Variants in UGT2B10 observed in about 807,000 individuals in gnomAD.
UGT2B10 encodes the protein UDP glucuronosyltransferase family 2 member B10, also known as UDP-glucuronosyltransferase 2B10.
UGT2B10 carries 51 observed loss-of-function variants against 43.7 expected under a neutral mutation model. The ratio of observed to expected loss-of-function variants is 1.17; its 90% CI spans 0.93 to 1.47. UGT2B10 has a LOEUF of 1.47. Among genes scored for constraint, UGT2B10 ranks in the 40% most tolerant of loss-of-function variants. UGT2B10 has a pLI of 0.00. For synonymous variants in UGT2B10, 225 were observed against 209.0 expected (o/e 1.08, Z -0.66); for missense variants, 696 against 617.7 (o/e 1.13, Z -1.34).
rs1490121164 is a variant in UGT2B10, at chr4:68,818,062, A to G, written c.752A>G (p.Lys251Arg). 6.2e-7 allele frequency: 1 copy of G among 1,611,266 alleles called. No individual in the cohort carries two copies. The highest frequency in any genetic ancestry group is 1.7e-5 in the Admixed American group (1 of 59,790). Residue 251 changes from lysine (K) to arginine (R), a missense_variant, in exon 2 of 6, where the codon AAA (lysine) becomes AGA (arginine). Physicochemically the swap from Lys to Arg is conservative, Grantham distance 26. Coordinates refer to ENST00000265403, the MANE Select transcript of UGT2B10 (RefSeq NM_001075.6). ...RPTTLSETMR[K>R]ADIWLMRNSW... ...ACTACATTATCTGAGACAATGAGGA[A>G]AGCTGACATATGGCTTATGCGAAAC...
rs1369718587 is a variant in UGT2B10, at chr4:68,816,472, T to C, written c.453T>C (p.Ala151=). The change falls in exon 1 of 6, where the codon GCT becomes GCC. Residue 151 remains alanine, a synonymous_variant. Coordinates refer to ENST00000265403, the MANE Select transcript of UGT2B10 (RefSeq NM_001075.6). ...GATTTGACATCGTTTTTGCAGATGC[T>C]TATTTACCCTGTGGTGAGCTGCTGG... ...ESRFDIVFAD[A]YLPCGELLAE... 2 of 1,613,256 alleles carry C rather than the reference T, an allele frequency of 1.2e-6. No homozygotes were observed. The highest frequency in any genetic ancestry group is 2.2e-5 in the East Asian group (1 of 44,798).
chr4:68,817,915 A>T (rs1052084818), intron 1 of UGT2B10, 114 bp from the exon 2 acceptor site: 2 of 1,270,816 alleles, frequency 1.6e-6, no homozygotes, highest in Non-Finnish European at 2.1e-6. Flanking sequence ...CATATTTTTC[A>T]AAGCACACAA....
rs370578468 is a variant in UGT2B10, at chr4:68,827,348, T to A, written c.1107T>A (p.Ala369=). Residue 369 remains alanine (A), a synonymous_variant, in exon 5 of 6, where the codon GCT becomes GCA. Transcript: ENST00000265403. The part of the protein sequence containing the change: ...NDLLGHPKTR[A]FITHGGANGI... ...TCCTAGGTCATCCAAAAACCAGAGC[T>A]TTTATAACTCATGGTGGAGCCAATG... 943 of 1,613,260 alleles carry A rather than the reference T, an allele frequency of 5.8e-4. 5 individuals are homozygous for A. In the African/African-American group the frequency reaches 0.011, roughly 19 times the overall value.
intron 2 of UGT2B10, among the ~76,000 whole-genome samples, chr4:68,821,907 G>A (rs898731437): frequency 5.3e-5 from 8 of 151,938 alleles, no homozygotes; most frequent in Non-Finnish European, 1.0e-4. Flanking sequence ...AACCCTAGTG[G>A]TGCCACTTTT....
At chr4:68,827,253 G>A (rs1737828641) in intron 4 of UGT2B10, 76 bp from the exon 5 acceptor site, 4 of 1,604,878 alleles carry the variant, frequency 2.5e-6, no homozygotes, top group East Asian at 4.5e-5. Flanking sequence ...AGAAAACACT[G>A]TCACTTTCAG....
Position 68,831,514 on chromosome 4 carries a change from C to G in UGT2B10, c.*635C>G, listed in dbSNP as rs1738100330. Among the ~76,000 whole-genome samples, 2 of 152,000 alleles carry G rather than the reference C, an allele frequency of 1.3e-5. No homozygotes were observed. The highest frequency in any genetic ancestry group is 4.8e-5 in the African/African-American group (2 of 41,410). ...AAAAATAATTAGATATTCTTGAAATCAGAAATGTGCTCCCTAATTATATGA... is the reference window on the plus strand; with the variant it reads ...AAAAATAATTAGATATTCTTGAAATGAGAAATGTGCTCCCTAATTATATGA... On this transcript the variant is annotated 3_prime_UTR_variant, in exon 6 of 6. Transcript: ENST00000265403.
At chr4:68,826,313 A>G (rs1737770782) in intron 3 of UGT2B10, 97 bp from the exon 4 acceptor site, 5 of 1,314,962 alleles carry the variant, frequency 3.8e-6, no homozygotes, top group East Asian at 4.8e-5. Flanking sequence ...TTATTTACTA[A>G]CATCCCTTGA....
At position 68,820,295 on chromosome 4, in the gene UGT2B10, C is replaced by T. The variant is rs1300635656; in HGVS notation, c.868-1976C>T. Among the ~76,000 whole-genome samples, 3 of 151,910 alleles carry T rather than the reference C, an allele frequency of 2.0e-5. No homozygotes were observed. In the East Asian group the frequency reaches 5.8e-4, roughly 29 times the overall value. ...TTATTATGTAAAATATTTGCTAAGC[C>T]AGGTTGCTTTCTTTTCAATTATATA... On this transcript the variant is annotated intron_variant, in intron 2 of 5. Transcript: ENST00000265403.
intron 5 of UGT2B10, among the ~76,000 whole-genome samples, chr4:68,828,613 A>T (rs1162131877): frequency 6.6e-6 from 1 of 152,010 alleles, no homozygotes; most frequent in Non-Finnish European, 1.5e-5. Flanking sequence ...GACTTTTTTA[A>T]AAAAACAAGC....
In UGT2B10 at chr4:68,818,073, T is replaced by C. The variant is rs779299825; in HGVS notation, c.763T>C (p.Trp255Arg). Residue 255 changes from tryptophan to arginine, a missense_variant, in exon 2 of 6, where the codon TGG becomes CGG. By Grantham distance (101) the Trp-to-Arg change is moderately radical. Coordinates refer to ENST00000265403, the MANE Select transcript of UGT2B10 (RefSeq NM_001075.6). ...LSETMRKADI[W>R]LMRNSWNFKF... ...TGAGACAATGAGGAAAGCTGACATA[T>C]GGCTTATGCGAAACTCCTGGAATTT... The C allele has an allele frequency of 6.2e-7, 1 of 1,611,730 alleles. No individual in the cohort carries two copies.
intron 3 of UGT2B10, 138 bp from the exon 4 acceptor site, chr4:68,826,272 T>G: frequency 1.1e-6 from 1 of 898,224 alleles, no homozygotes; most frequent in Non-Finnish European, 1.6e-6. Context: ...TAAAATGTGG[T>G]TATTCTTTTT....
At chr4:68,828,274 G>A (rs1221095143) in intron 5 of UGT2B10, among the ~76,000 whole-genome samples, 7 of 151,356 alleles carry the variant, frequency 4.6e-5, no homozygotes, top group African/African-American at 1.5e-4. Flanking sequence ...TTTTTTTATG[G>A]TTTTTAGTTT....
At position 68,826,463 on chromosome 4, in the gene UGT2B10, A is replaced by G. The variant is rs770305398; in HGVS notation, c.1053A>G (p.Arg351=). ...CAGATGCCTTAGGTCTCAATACTCG[A>G]CTGTACAAGTGGATACCCCAGAATG... ...NKPDALGLNT[R]LYKWIPQNDL... is the part of the protein sequence containing the mutation. Residue 351 remains arginine (R), a synonymous_variant, in exon 4 of 6, where the codon CGA becomes CGG. Coordinates refer to ENST00000265403, the MANE Select transcript of UGT2B10 (RefSeq NM_001075.6). 5.0e-6 allele frequency: 8 copies of G among 1,612,418 alleles called. No individual in the cohort carries two copies. Among genetic ancestry groups the G allele is most frequent in the Non-Finnish European group, 6.8e-6 (8 of 1,179,218 alleles).
rs147512031 is a variant in UGT2B10, at chr4:68,830,186, T to C, written c.1308-414T>C. Among the ~76,000 whole-genome samples, 974 of 152,224 alleles carry C rather than the reference T, an allele frequency of 6.4e-3. 16 individuals carry two copies. The highest frequency in any genetic ancestry group is 0.022 in the African/African-American group (930 of 41,574). On this transcript the variant is annotated intron_variant, in intron 5 of 5. Coordinates refer to ENST00000265403, the MANE Select transcript of UGT2B10 (RefSeq NM_001075.6). ...AGTGTAATGTGGAATGTGTTCATAA[T>C]ACAAAGGATAAATGCTTAAGGAATG...
intron 2 of UGT2B10, 112 bp downstream of exon 2, chr4:68,818,289 G>A: frequency 6.5e-7 from 1 of 1,538,972 alleles, no homozygotes; most frequent in Non-Finnish European, 8.7e-7. Context: ...GGAAGTAGGT[G>A]GGGTAAAGCA....
chr4:68,821,234 T>G (rs573489026), intron 2 of UGT2B10, among the ~76,000 whole-genome samples: 8 of 152,308 alleles, frequency 5.3e-5, no homozygotes, highest in African/African-American at 1.9e-4. Flanking sequence ...TGAAAGTATT[T>G]AAATTTATAT....
At chr4:68,827,105 C>T (rs567769635) in intron 4 of UGT2B10, among the ~76,000 whole-genome samples, 83 of 152,102 alleles carry the variant, frequency 5.5e-4, no homozygotes, top group Admixed American at 9.2e-4. Flanking sequence ...TTTCATTAGT[C>T]CAACTGGAAA....
At chr4:68,825,874 T>G (rs1737747297) in intron 3 of UGT2B10, among the ~76,000 whole-genome samples, 1 of 152,050 alleles carries the variant, frequency 6.6e-6, no homozygotes, top group Admixed American at 6.6e-5. Context: ...ATTGCTGGGT[T>G]TCATGGTATT....
intron 5 of UGT2B10, among the ~76,000 whole-genome samples, chr4:68,828,481 T>G (rs1001478891): frequency 1.3e-5 from 2 of 151,890 alleles, no homozygotes; most frequent in Non-Finnish European, 2.9e-5. Flanking sequence ...CAAAACACCT[T>G]TAAAGAAGAT....
Sources: gnomAD v4.1 joint callset for allele counts (sites outside exome capture counted in the v4.1 genomes callset) on GRCh38, gnomAD v4.1.1 for gene constraint, MANE v1.5 for transcripts, NCBI Gene and HGNC (gene_info 2026-07-23, HGNC 2026-07-21) for gene names.